ZC3HAV1: variants seen among roughly 807,000 people sequenced by gnomAD.
ZC3HAV1 encodes the protein zinc finger CCCH-type containing, antiviral 1.
In ZC3HAV1, 41 loss-of-function variants were observed where a neutral mutation model predicts 86.6. The observed-to-expected ratio is 0.47, with a 90% CI of 0.37 to 0.61. The LOEUF (loss-of-function observed/expected upper bound fraction) is 0.61, where lower values mean the gene tolerates loss of function less well. Ranked by LOEUF, ZC3HAV1 falls within the 20% of genes least tolerant of loss-of-function variation. The probability of loss-of-function intolerance (pLI) is 0.00; values close to 1 mark genes in which losing one functional copy is unlikely to be tolerated. For synonymous variants in ZC3HAV1, 421 were observed against 432.1 expected (o/e 0.97, Z 0.32); for missense variants, 964 against 1,141.1 (o/e 0.84, Z 2.24).
intron 7 of ZC3HAV1, among the ~76,000 whole-genome samples, chr7:139,067,854 A>AT (rs1008767721): frequency 6.6e-6 from 1 of 152,108 alleles, no homozygotes; most frequent in Non-Finnish European, 1.5e-5. Context: ...TAGACGAGTC[A>AT]TAAATTATGA....
At chr7:139,051,349 G>A (rs919446402) in intron 12 of ZC3HAV1, among the ~76,000 whole-genome samples, 24 of 151,640 alleles carry the variant, frequency 1.6e-4, no homozygotes, top group Non-Finnish European at 2.1e-4. Flanking sequence ...AAGCTGCCGC[G>A]CCTGACCTGG....
In ZC3HAV1 at chr7:139,055,105, C is replaced by T. The variant is rs1816244855; in HGVS notation, c.2187+100G>A. On this transcript the variant is annotated intron_variant, in intron 10 of 12. Coordinates refer to ENST00000242351, the MANE Select transcript of ZC3HAV1 (RefSeq NM_020119.4). ...GCACCCAGCCGATCTAAGAGTTTTG[C>T]GGGAGCAATTCATTCATCCAGACAA... 6 of 1,067,026 alleles carry T rather than the reference C, an allele frequency of 5.6e-6. No individual in the cohort carries two copies. The Admixed American group carries it at 8.0e-5, about 14-fold the overall frequency. 66.1% of individuals were successfully genotyped at this position (1,067,026 alleles called of 1,614,324 possible). A position where few individuals can be genotyped will look rare whatever the true frequency, so the allele number is the denominator to read the frequency against.
chr7:139,089,534 T>G (rs1029179472), intron 2 of ZC3HAV1, 90 bp downstream of exon 2: 2 of 1,445,958 alleles, frequency 1.4e-6, no homozygotes, highest in African/African-American at 2.9e-5. Context: ...GGCATTAATT[T>G]TGAATTTTCT....
At chr7:139,060,606 T>G in intron 9 of ZC3HAV1, 1 of 1,020,064 alleles carries the variant, frequency 9.8e-7, no homozygotes, top group Non-Finnish European at 1.2e-6. Flanking sequence ...TTTGGGAGAC[T>G]GAGGTAGGAG....
intron 9 of ZC3HAV1, among the ~76,000 whole-genome samples, chr7:139,055,548 T>C (rs868785214): frequency 2.0e-5 from 3 of 152,232 alleles, no homozygotes; most frequent in Non-Finnish European, 4.4e-5. Flanking sequence ...AATGTAAAAG[T>C]ATTGACTCTT....
At chr7:139,089,441 T>A (rs2130719154) in intron 2 of ZC3HAV1, among the ~76,000 whole-genome samples, 183 bp downstream of exon 2, 1 of 152,294 alleles carries the variant, frequency 6.6e-6, no homozygotes, top group South Asian at 2.1e-4. Context: ...ACTCAAATTC[T>A]TATAAAACCT....
intron 5 of ZC3HAV1, among the ~76,000 whole-genome samples, chr7:139,077,679 G>A (rs940869212): frequency 1.3e-5 from 2 of 152,288 alleles, no homozygotes; most frequent in African/African-American, 2.4e-5. Context: ...CAGGAATGCC[G>A]GCTGAAGAAT....
At chr7:139,099,916 AAAATAAAT>A (rs112469477) in intron 1 of ZC3HAV1, among the ~76,000 whole-genome samples, 7 of 149,990 alleles carry the variant, frequency 4.7e-5, no homozygotes, top group East Asian at 3.9e-4. Context: ...GACAGAACAA[AAAATAAAT>A]AAATAAATAA....
chr7:139,092,671 T>A (rs1426403328), intron 1 of ZC3HAV1, among the ~76,000 whole-genome samples: 1 of 152,210 alleles, frequency 6.6e-6, no homozygotes, highest in Admixed American at 6.5e-5. Flanking sequence ...ACCTCAGGTG[T>A]CCAGGCTTTT....
intron 1 of ZC3HAV1, among the ~76,000 whole-genome samples, chr7:139,092,891 C>A (rs375918377): frequency 3.3e-4 from 50 of 152,348 alleles, no homozygotes; most frequent in African/African-American, 1.1e-3. Flanking sequence ...GTCTGACCTG[C>A]AGCCCCTTCC....
rs1412653793 is a variant in ZC3HAV1 at position 139,079,919 on chromosome 7, T to C, written c.1022A>G (p.His341Arg). ...LENGSQEDLL[H>R]GNPGSTYLAS... The stretch of plus-strand genomic sequence containing the variant: ...AAGGTAAGTGCTGCCTGGATTTCCA[T>C]GCAAGAGGTCCTCTTGACTGCCGTT... Residue 341 changes from histidine to arginine, a missense_variant, in exon 4 of 13, where the codon CAT (histidine) becomes CGT (arginine). Transcript: ENST00000242351. 6.2e-7 allele frequency: 1 copy of C among 1,614,238 alleles called. No individual in the cohort carries two copies. The highest frequency in any genetic ancestry group is 2.2e-5 in the East Asian group (1 of 44,886).
intron 7 of ZC3HAV1, 144 bp from the exon 8 acceptor site, chr7:139,065,143 C>A: frequency 9.2e-7 from 1 of 1,091,772 alleles, no homozygotes; most frequent in Non-Finnish European, 1.3e-6. Flanking sequence ...CAGCTCAGGG[C>A]TATGTCACAG....
chr7:139,074,545 C>G (rs187643022), intron 6 of ZC3HAV1, among the ~76,000 whole-genome samples: 4 of 151,826 alleles, frequency 2.6e-5, no homozygotes, highest in Non-Finnish European at 5.9e-5. Context: ...AATAAAGAAG[C>G]GGATATGAGA....
intron 10 of ZC3HAV1, among the ~76,000 whole-genome samples, chr7:139,054,899 T>A (rs1259416052): frequency 6.6e-6 from 1 of 152,190 alleles, no homozygotes; most frequent in Non-Finnish European, 1.5e-5. Context: ...GCAATTCTCC[T>A]GTCTCAGCAT....
rs754156642 is a variant in ZC3HAV1 at position 139,064,951 on chromosome 7, G to C, written c.1921C>G (p.Leu641Val). The change falls in exon 8 of 13, where the codon CTC (leucine) becomes GTC (valine). Residue 641 changes from leucine to valine, a missense_variant. Transcript: ENST00000242351. ...ACTCCCCTCGGACAGGATTGATAGA[G>C]AGACTCCAGGTATGAAGAGTCGACG... Reference protein sequence around the residue: ...SNVDSSYLESLYQSCPRGVVP... With the variant: ...SNVDSSYLESVYQSCPRGVVP... 4 of 1,614,082 alleles carry C rather than the reference G, an allele frequency of 2.5e-6. No homozygotes were observed. Among genetic ancestry groups the C allele is most frequent in the Admixed American group, 3.3e-5 (2 of 60,000 alleles).
At chr7:139,100,835 C>T (rs1817733990) in intron 1 of ZC3HAV1, among the ~76,000 whole-genome samples, 1 of 149,056 alleles carries the variant, frequency 6.7e-6, no homozygotes, top group Non-Finnish European at 1.5e-5. Flanking sequence ...GTCTCCCTCT[C>T]CCTCTCTTTC....
Position 139,109,177 on chromosome 7 carries a change from A to G in ZC3HAV1, c.155T>C (p.Leu52Ser). Residue 52 changes from leucine (L) to serine (S), a missense_variant, in exon 1 of 13, where the codon TTG (leucine) becomes TCG (serine). Coordinates refer to ENST00000242351, the MANE Select transcript of ZC3HAV1 (RefSeq NM_020119.4). ...QVAGPDRFVV[L>S]ETGGEAGITR... The stretch of plus-strand genomic sequence containing the variant: ...GATCCCGGCCTCGCCGCCGGTCTCC[A>G]ACACCACAAAGCGGTCGGGCCCGGC... The G allele has an allele frequency of 6.2e-7, 1 of 1,603,618 alleles. No individual in the cohort carries two copies. Among genetic ancestry groups the G allele is most frequent in the Non-Finnish European group, 8.5e-7 (1 of 1,175,386 alleles).
chr7:139,055,128 C>T, intron 10 of ZC3HAV1, 77 bp downstream of exon 10: 6 of 1,311,342 alleles, frequency 4.6e-6, no homozygotes, highest in Non-Finnish European at 6.5e-6. Flanking sequence ...TTCATCCAGA[C>T]AAACACATAC....
chr7:139,053,100 A>G (rs1358218263), intron 12 of ZC3HAV1, among the ~76,000 whole-genome samples: 2 of 152,162 alleles, frequency 1.3e-5, no homozygotes, highest in South Asian at 2.1e-4. Flanking sequence ...GAAGCCTCAT[A>G]TAGCTTCGCA....
Sources: gnomAD v4.1 joint callset for allele counts (sites outside exome capture counted in the v4.1 genomes callset) on GRCh38, gnomAD v4.1.1 for gene constraint, MANE v1.5 for transcripts, NCBI Gene and HGNC (gene_info 2026-07-23, HGNC 2026-07-21) for gene names.